Variants in HOOK1 observed in about 807,000 individuals in gnomAD.
HOOK1 encodes the protein protein Hook homolog 1.
A neutral mutation model predicts 112.8 loss-of-function variants in HOOK1; 60 were observed. That is an observed-to-expected ratio of 0.53 (90% CI 0.43 to 0.66). The LOEUF is 0.66. Ranked by LOEUF, HOOK1 falls within the 30% of genes least tolerant of loss-of-function variation. The probability of loss-of-function intolerance (pLI) is 0.00; values close to 1 mark genes in which losing one functional copy is unlikely to be tolerated. For missense variants in HOOK1, 770 were observed against 856.0 expected (o/e 0.90, Z 1.25); for synonymous variants, 294 against 283.8 (o/e 1.04, Z -0.36).
At position 59,868,350 on chromosome 1, in the gene HOOK1, A is replaced by G; in HGVS notation, c.1946A>G (p.Glu649Gly). ...AEKERRIEILESECKVAKFRD... is the reference protein window; with the variant it reads ...AEKERRIEILGSECKVAKFRD... ...AAAGAGAGAAGAATTGAGATTCTGG[A>G]GGTAAAACTTTTATATTTACTCATC... The change falls in exon 20 of 22, where the codon GAG (glutamate) becomes GGG (glycine). Residue 649 changes from glutamate to glycine, a missense_variant and splice_region_variant. Physicochemically the swap from Glu to Gly is moderately conservative, Grantham distance 98 (BLOSUM62 -2). Coordinates refer to ENST00000371208, the MANE Select transcript of HOOK1 (RefSeq NM_015888.6). 6.5e-7 allele frequency: 1 copy of G among 1,549,740 alleles called. No homozygotes were observed. Among genetic ancestry groups the G allele is most frequent in the Non-Finnish European group, 8.9e-7 (1 of 1,123,792 alleles).
At chr1:59,865,569 TGTG>T (rs1643946843) in intron 18 of HOOK1, among the ~76,000 whole-genome samples, 2 of 152,064 alleles carry the variant, frequency 1.3e-5, no homozygotes, top group Admixed American at 1.3e-4. Flanking sequence ...TTATTTTTCT[TGTG>T]GTTGTGCTTA....
chr1:59,859,070 G>C (rs751089741), intron 14 of HOOK1, 25 bp downstream of exon 14: 10 of 1,167,582 alleles, frequency 8.6e-6, no homozygotes, highest in African/African-American at 1.6e-5. Context: ...TAATTTGATA[G>C]AATTATATTT....
At chr1:59,849,849 G>A (rs961282689) in intron 12 of HOOK1, among the ~76,000 whole-genome samples, 1 of 151,490 alleles carries the variant, frequency 6.6e-6, no homozygotes, top group Non-Finnish European at 1.5e-5. Context: ...ACGGCATTTT[G>A]TTTATCCATT....
At chr1:59,820,855 T>A (rs1216290038) in intron 1 of HOOK1, among the ~76,000 whole-genome samples, 1 of 152,216 alleles carries the variant, frequency 6.6e-6, no homozygotes, top group Non-Finnish European at 1.5e-5. Context: ...GCGTAGGAGC[T>A]TAGTAAAGTG....
intron 2 of HOOK1, among the ~76,000 whole-genome samples, chr1:59,823,362 C>A (rs1183237591): frequency 1.3e-5 from 2 of 152,134 alleles, no homozygotes; most frequent in Non-Finnish European, 2.9e-5. Context: ...TTATTTATAT[C>A]TTAATTGATT....
At chr1:59,853,320 T>C (rs1358315352) in intron 12 of HOOK1, among the ~76,000 whole-genome samples, 2 of 152,086 alleles carry the variant, frequency 1.3e-5, no homozygotes, top group Admixed American at 1.3e-4. Context: ...AATTGTTATA[T>C]CTTCCTGATA....
At chr1:59,858,812 G>T (rs552050582) in intron 13 of HOOK1, among the ~76,000 whole-genome samples, 173 bp from the exon 14 acceptor site, 37 of 143,476 alleles carry the variant, frequency 2.6e-4, no homozygotes, top group South Asian at 2.2e-3. Context: ...AGGAAGGAAA[G>T]GAAAGGAGAG....
At chr1:59,869,005 A>G (rs974692703) in intron 20 of HOOK1, among the ~76,000 whole-genome samples, 4 of 152,188 alleles carry the variant, frequency 2.6e-5, no homozygotes, top group African/African-American at 9.6e-5. Flanking sequence ...TCTTAGATTT[A>G]TAATTGAGCA....
intron 5 of HOOK1, 61 bp from the exon 6 acceptor site, chr1:59,835,272 CTATTAATTTGAT>C: frequency 1.2e-6 from 1 of 806,524 alleles, no homozygotes; most frequent in Non-Finnish European, 2.2e-6. Flanking sequence ...TTTTTATAGT[CTATTAATTTGAT>C]GGCTAAGGTA....
At chr1:59,835,815 C>T (rs902527411) in intron 6 of HOOK1, among the ~76,000 whole-genome samples, 10 of 151,966 alleles carry the variant, frequency 6.6e-5, no homozygotes, top group Admixed American at 3.9e-4. Flanking sequence ...GGGGTTTTTG[C>T]TCCTATGAGA....
Position 59,875,507 on chromosome 1 carries a change from G to A in HOOK1, c.*2542G>A, listed in dbSNP as rs1283588942. The A allele has an allele frequency of 6.6e-6, 1 of 152,594 alleles. No individual in the cohort carries two copies. Among genetic ancestry groups the A allele is most frequent in the African/African-American group, 2.4e-5 (1 of 41,454 alleles). The allele number at this position is 152,594 out of a possible 1,614,324, so 9.5% of individuals were successfully genotyped here. On this transcript the variant is annotated 3_prime_UTR_variant, in exon 22 of 22. Coordinates refer to ENST00000371208, the MANE Select transcript of HOOK1 (RefSeq NM_015888.6). ...GAGTTGACACCCTGTGGGTGGTAAA[G>A]CATTATAAACATTTCATCTTGAACC...
chr1:59,851,704 TG>T (rs1283243188), intron 12 of HOOK1, among the ~76,000 whole-genome samples: 1 of 151,694 alleles, frequency 6.6e-6, no homozygotes, highest in Admixed American at 6.6e-5. Context: ...TAAATAAAAG[TG>T]GCATGAACAG....
chr1:59,828,515 T>A (rs2098391540), intron 2 of HOOK1, among the ~76,000 whole-genome samples: 1 of 152,116 alleles, frequency 6.6e-6, no homozygotes, highest in African/African-American at 2.4e-5. Flanking sequence ...AAAATGTTGG[T>A]TTTTTACCTC....
rs1167413179 is a variant in HOOK1 at position 59,855,984 on chromosome 1, A to ATTT, written c.1243-2420_1243-2418dup. On this transcript the variant is annotated intron_variant, in intron 12 of 21. Coordinates refer to ENST00000371208, the MANE Select transcript of HOOK1 (RefSeq NM_015888.6). The stretch of plus-strand genomic sequence containing the variant: ...TAAATTATTATATATATATATATAT[A>ATTT]TTTTTTTTTTTTTTTTTTTTTTTTT... Among the ~76,000 whole-genome samples the ATTT allele has an allele frequency of 1.8e-3, 108 of 60,306 alleles. 1 individual carries two copies. Among genetic ancestry groups the ATTT allele is most frequent in the African/African-American group, 3.5e-3 (34 of 9,800 alleles). The allele number at this position is 60,306 out of a possible 152,430, so 39.6% of individuals were successfully genotyped here. A position where few individuals can be genotyped will look rare whatever the true frequency, so the allele number is the denominator to read the frequency against.
Position 59,848,524 on chromosome 1 carries a change from A to G in HOOK1, c.1131+8A>G, listed in dbSNP as rs1000610383. On this transcript the variant is annotated splice_region_variant and intron_variant, in intron 11 of 21. Transcript: ENST00000371208. ...GAAACATACAAAAGGCAGGTAAGAA[A>G]CATCTTAATTTTTAATTGATAAAAT... is the stretch of plus-strand genomic sequence containing the variant. 2 of 1,584,536 alleles carry G rather than the reference A, an allele frequency of 1.3e-6. No individual in the cohort carries two copies. Among genetic ancestry groups the G allele is most frequent in the Non-Finnish European group, 1.7e-6 (2 of 1,157,992 alleles).
Position 59,859,015 on chromosome 1 carries a change from TTGC to T in HOOK1, c.1367_1369del (p.Ala456del), listed in dbSNP as rs2098412158. The T allele has an allele frequency of 1.9e-6, 3 of 1,574,700 alleles. No individual in the cohort carries two copies. Among genetic ancestry groups the T allele is most frequent in the African/African-American group, 1.4e-5 (1 of 73,540 alleles). On this transcript the variant is annotated inframe_deletion, in exon 14 of 22. Coordinates refer to ENST00000371208, the MANE Select transcript of HOOK1 (RefSeq NM_015888.6). ...TCTGCTACAAAAAGTTATGAGAATC[TTGC>T]TGCTGAGATTATGCCAGTGGAATAT...
At chr1:59,817,111 A>G (rs1213368124) in intron 1 of HOOK1, among the ~76,000 whole-genome samples, 7 of 152,130 alleles carry the variant, frequency 4.6e-5, no homozygotes, top group Non-Finnish European at 8.8e-5. Context: ...ATTTACAACT[A>G]CTTTCTCTCC....
intron 1 of HOOK1, among the ~76,000 whole-genome samples, chr1:59,818,328 A>G (rs1316857374): frequency 6.6e-6 from 1 of 152,212 alleles, no homozygotes; most frequent in Non-Finnish European, 1.5e-5. Flanking sequence ...TGGAGCCAAC[A>G]TCAACAGAAT....
intron 12 of HOOK1, among the ~76,000 whole-genome samples, chr1:59,854,790 A>ATTTTAGTTTAGTTT (rs2098409615): frequency 6.6e-6 from 1 of 151,964 alleles, no homozygotes; most frequent in Non-Finnish European, 1.5e-5. Context: ...AGTTTATTGT[A>ATTTTAGTTTAGTTT]CTTTGAATTT....
Sources: allele counts gnomAD v4.1 joint callset (sites outside exome capture counted in the v4.1 genomes callset), GRCh38; gene constraint gnomAD v4.1.1; transcripts MANE v1.5; gene names NCBI Gene and HGNC (gene_info 2026-07-23, HGNC 2026-07-21).